Variants in ADAM18 observed in about 807,000 individuals in gnomAD.
ADAM18 encodes the protein disintegrin and metalloproteinase domain-containing protein 18.
In ADAM18, 117 loss-of-function variants were observed where a neutral mutation model predicts 94.4. The ratio of observed to expected loss-of-function variants is 1.24; its 90% CI spans 1.07 to 1.45. ADAM18 has a LOEUF of 1.45. Among genes scored for constraint, ADAM18 ranks in the 40% most tolerant of loss-of-function variants. The pLI, the probability that ADAM18 is intolerant of heterozygous loss-of-function variation, is 0.00. For synonymous variants in ADAM18, 327 were observed against 291.6 expected (o/e 1.12, Z -1.24); for missense variants, 936 against 880.0 (o/e 1.06, Z -0.81).
intron 12 of ADAM18, among the ~76,000 whole-genome samples, chr8:39,651,115 T>A (rs1424220647): frequency 2.0e-5 from 3 of 152,220 alleles, no homozygotes; most frequent in Non-Finnish European, 4.4e-5. Flanking sequence ...GTGCTTTTGA[T>A]GTGTATATAC....
At chr8:39,695,608 C>G (rs1346655630) in intron 17 of ADAM18, among the ~76,000 whole-genome samples, 2 of 151,190 alleles carry the variant, frequency 1.3e-5, no homozygotes. Context: ...CCCCTAGCCC[C>G]TGGTATCCAC....
intron 6 of ADAM18, 148 bp downstream of exon 6, chr8:39,610,854 A>G (rs1819253231): frequency 1.4e-5 from 18 of 1,274,636 alleles, no homozygotes; most frequent in African/African-American, 1.2e-4. Flanking sequence ...TTGAAACTTC[A>G]TCTAAAATAT....
At chr8:39,629,286 A>T in intron 6 of ADAM18, 88 bp from the exon 7 acceptor site, 1 of 969,222 alleles carries the variant, frequency 1.0e-6, no homozygotes, top group Non-Finnish European at 1.5e-6. Flanking sequence ...TCTTATATGC[A>T]ATTTTTCGCT....
At chr8:39,682,206 G>A (rs531485568) in intron 16 of ADAM18, among the ~76,000 whole-genome samples, 15 of 152,240 alleles carry the variant, frequency 9.9e-5, no homozygotes, top group African/African-American at 2.9e-4. Flanking sequence ...AAAAAAATAA[G>A]GCATCTGGAA....
At chr8:39,684,281 T>C (rs1478425322) in intron 16 of ADAM18, among the ~76,000 whole-genome samples, 2 of 150,702 alleles carry the variant, frequency 1.3e-5, no homozygotes, top group Non-Finnish European at 3.0e-5. Context: ...CAATCTTTTA[T>C]TTATTTATTT....
At chr8:39,659,401 G>T (rs1820771455) in intron 12 of ADAM18, among the ~76,000 whole-genome samples, 2 of 151,164 alleles carry the variant, frequency 1.3e-5, no homozygotes. Context: ...ACACAAAAAA[G>T]CAAGTATGTG....
At chr8:39,709,044 A>G (rs910223200) in intron 18 of ADAM18, among the ~76,000 whole-genome samples, 1 of 152,218 alleles carries the variant, frequency 6.6e-6, no homozygotes, top group East Asian at 1.9e-4. Flanking sequence ...CTCTGCCAGC[A>G]AGGGCAAAGA....
intron 2 of ADAM18, among the ~76,000 whole-genome samples, chr8:39,593,547 C>T (rs1818642275): frequency 6.6e-6 from 1 of 151,766 alleles, no homozygotes; most frequent in East Asian, 1.9e-4. Flanking sequence ...AAAAATCAGA[C>T]ATGTAGACCA....
chr8:39,670,054 T>C (rs1821111057), intron 14 of ADAM18, among the ~76,000 whole-genome samples: 1 of 152,240 alleles, frequency 6.6e-6, no homozygotes, highest in Non-Finnish European at 1.5e-5. Flanking sequence ...TTTGCATTTC[T>C]CTGATGGCCA....
At chr8:39,704,695 T>C (rs1193726994) in intron 17 of ADAM18, among the ~76,000 whole-genome samples, 1 of 152,136 alleles carries the variant, frequency 6.6e-6, no homozygotes, top group Non-Finnish European at 1.5e-5. Context: ...TATTTCTCCT[T>C]GCACATGCAG....
At chr8:39,611,229 G>T in intron 6 of ADAM18, 1 of 540,022 alleles carries the variant, frequency 1.9e-6, no homozygotes, top group Non-Finnish European at 2.4e-6. Context: ...ATTCTTATTG[G>T]GAATTCCTTG....
At chr8:39,606,637 G>A (rs767289024) in intron 3 of ADAM18, among the ~76,000 whole-genome samples, 10 of 152,092 alleles carry the variant, frequency 6.6e-5, no homozygotes, top group Non-Finnish European at 1.2e-4. Flanking sequence ...CCCAAGAACA[G>A]CAAGTTATAT....
chr8:39,590,887 C>G (rs749005077), intron 2 of ADAM18, among the ~76,000 whole-genome samples: 42 of 152,176 alleles, frequency 2.8e-4, no homozygotes, highest in Non-Finnish European at 5.9e-4. Context: ...AATACTTTTG[C>G]TTATTATTGT....
intron 16 of ADAM18, among the ~76,000 whole-genome samples, chr8:39,688,478 T>C (rs1821672349): frequency 6.6e-6 from 1 of 152,232 alleles, no homozygotes; most frequent in South Asian, 2.1e-4. Context: ...AGTGAGAACA[T>C]GCAGTATTTA....
intron 6 of ADAM18, chr8:39,611,550 A>C (rs1301206226): frequency 1.0e-6 from 1 of 985,236 alleles, no homozygotes; most frequent in Non-Finnish European, 1.2e-6. Flanking sequence ...ATTTACTGGG[A>C]TAAATAAAAA....
intron 18 of ADAM18, among the ~76,000 whole-genome samples, chr8:39,709,833 T>C (rs772251909): frequency 5.9e-5 from 9 of 152,222 alleles, no homozygotes; most frequent in Non-Finnish European, 1.3e-4. Context: ...TTTTTGTGAA[T>C]AACAATGAAT....
chr8:39,726,138 G>C (rs770124417), intron 19 of ADAM18, among the ~76,000 whole-genome samples: 7 of 152,040 alleles, frequency 4.6e-5, no homozygotes, highest in Non-Finnish European at 1.0e-4. Flanking sequence ...GTGATGTTAA[G>C]TACCTTTTGA....
Position 39,680,039 on chromosome 8 carries a change from A to T in ADAM18, c.1634A>T (p.Asp545Val). ...AACTTTTTGCTTTCCACTTCCAGGGATGTTCTCTGTGGAAAATTAGCTTGT... is the reference window on the plus strand; with the variant it reads ...AACTTTTTGCTTTCCACTTCCAGGGTTGTTCTCTGTGGAAAATTAGCTTGT... Reference protein sequence around the residue: ...NSQPLPCERKDVLCGKLACVQ... With the variant: ...NSQPLPCERKVVLCGKLACVQ... The change falls in exon 16 of 20, where the codon GAT becomes GTT. Residue 545 changes from aspartate (D) to valine (V), a missense_variant and splice_region_variant. Coordinates refer to ENST00000265707, the MANE Select transcript of ADAM18 (RefSeq NM_014237.3). 6.2e-7 allele frequency: 1 copy of T among 1,613,458 alleles called. No individual in the cohort carries two copies. The highest frequency in any genetic ancestry group is 2.2e-5 in the East Asian group (1 of 44,862).
At chr8:39,609,212 A>G in intron 4 of ADAM18, 92 bp downstream of exon 4, 2 of 928,980 alleles carry the variant, frequency 2.2e-6, no homozygotes, top group Non-Finnish European at 1.6e-6. Context: ...CAAATGTTTT[A>G]TCCTTACTGA....
Sources: allele counts gnomAD v4.1 joint callset (sites outside exome capture counted in the v4.1 genomes callset), GRCh38; gene constraint gnomAD v4.1.1; transcripts MANE v1.5; gene names NCBI Gene and HGNC (gene_info 2026-07-23, HGNC 2026-07-21).